Variants in UGT3A2 observed in about 807,000 individuals in gnomAD.
The protein encoded by UGT3A2 is UDP glycosyltransferase family 3 member A2.
Under a neutral mutation model 39.8 loss-of-function variants are expected in UGT3A2, and 32 were observed. That is an observed-to-expected ratio of 0.80 (90% CI 0.61 to 1.08). The LOEUF is 1.08. Among genes scored for constraint, UGT3A2 ranks in the 50% least tolerant of loss-of-function variants. The pLI, the probability that UGT3A2 is intolerant of heterozygous loss-of-function variation, is 0.00. For synonymous variants in UGT3A2, 241 were observed against 230.7 expected (o/e 1.04, Z -0.40); for missense variants, 611 against 637.1 (o/e 0.96, Z 0.44).
chr5:36,040,218 C>T (rs895362), intron 4 of UGT3A2, among the ~76,000 whole-genome samples: 107,876 of 152,006 alleles, frequency 0.71, 39,487 homozygotes, highest in Non-Finnish European at 0.81. Context: ...TTTTTGTACA[C>T]GCTTCATCCT....
In UGT3A2 at chr5:36,057,287, C is replaced by T. The variant is rs1359052750; in HGVS notation, c.197-5303G>A. Reference sequence around the variant, plus strand: ...ATCTGATCAGAAATAATAACCCAATCATGTGTTTCCTTGTTTGCAGACCTT... The same window carrying T: ...ATCTGATCAGAAATAATAACCCAATTATGTGTTTCCTTGTTTGCAGACCTT... On this transcript the variant is annotated intron_variant, in intron 2 of 6. Coordinates refer to ENST00000282507, the MANE Select transcript of UGT3A2 (RefSeq NM_174914.4). 4.6e-5 allele frequency among the ~76,000 whole-genome samples: 7 copies of T among 152,300 alleles called. No homozygotes were observed. The South Asian group carries it at 1.5e-3, about 32-fold the overall frequency.
Position 36,048,896 on chromosome 5 carries a change from A to G in UGT3A2, c.836T>C (p.Val279Ala). 6.2e-7 allele frequency: 1 copy of G among 1,613,516 alleles called. No homozygotes were observed. Among genetic ancestry groups the G allele is most frequent in the Non-Finnish European group, 8.5e-7 (1 of 1,179,550 alleles). The change falls in exon 4 of 7, where the codon GTA becomes GCA. Residue 279 changes from valine (V) to alanine (A), a missense_variant. By Grantham distance (64) the Val-to-Ala change is moderately conservative (BLOSUM62 0). Coordinates refer to ENST00000282507, the MANE Select transcript of UGT3A2 (RefSeq NM_174914.4). ...GGLMEKPIKP[V>A]PQDLENFIAK... ...TGCTGAGGGTTCACTTACTTGTGGT[A>G]CTGGTTTAATAGGTTTTTCCATCAA...
chr5:36,042,299 A>G (rs1742034987), intron 4 of UGT3A2, among the ~76,000 whole-genome samples: 1 of 152,138 alleles, frequency 6.6e-6, no homozygotes, highest in Non-Finnish European at 1.5e-5. Flanking sequence ...TTGCAATCAA[A>G]GTTAAGTTGT....
intron 2 of UGT3A2, among the ~76,000 whole-genome samples, chr5:36,053,567 G>A (rs999403474): frequency 3.3e-5 from 5 of 152,164 alleles, no homozygotes; most frequent in Non-Finnish European, 5.9e-5. Flanking sequence ...GCACTGTAAA[G>A]GCTTTAGCAT....
chr5:36,051,724 A>G (rs1490396471), intron 3 of UGT3A2, 146 bp downstream of exon 3: 9 of 626,360 alleles, frequency 1.4e-5, no homozygotes, highest in African/African-American at 1.1e-4. Flanking sequence ...CCATCTATCA[A>G]TCCATCCATC....
chr5:36,058,036 G>T (rs1401716340), intron 2 of UGT3A2, among the ~76,000 whole-genome samples: 1 of 152,166 alleles, frequency 6.6e-6, no homozygotes, highest in Non-Finnish European at 1.5e-5. Flanking sequence ...TAATGTAAAA[G>T]ATATTAAAAT....
chr5:36,046,791 C>T (rs1215858245), intron 4 of UGT3A2, among the ~76,000 whole-genome samples: 1 of 152,060 alleles, frequency 6.6e-6, no homozygotes, highest in Non-Finnish European at 1.5e-5. Flanking sequence ...ATGATCAATG[C>T]CTTGATGTGG....
Position 36,049,009 on chromosome 5 carries a change from T to C in UGT3A2, c.723A>G (p.Leu241=), listed in dbSNP as rs768863690. ...EGSRPVLSHL[L]LKAELWFINS... ...TAATGAACCACAACTCTGCTTTCAGTAGAAGATGAGACAAAACTGGCCTAG... is the reference window on the plus strand; with the variant it reads ...TAATGAACCACAACTCTGCTTTCAGCAGAAGATGAGACAAAACTGGCCTAG... Residue 241 remains leucine (L), a synonymous_variant, in exon 4 of 7, where the codon CTA becomes CTG. Transcript: ENST00000282507. 34 of 1,614,064 alleles carry C rather than the reference T, an allele frequency of 2.1e-5. No individual in the cohort carries two copies. The highest frequency in any genetic ancestry group is 1.1e-4 in the African/African-American group (8 of 74,922).
intron 2 of UGT3A2, among the ~76,000 whole-genome samples, chr5:36,056,538 A>G (rs1388701062): frequency 6.6e-6 from 1 of 152,224 alleles, no homozygotes; most frequent in Non-Finnish European, 1.5e-5. Context: ...GTTCTTTCTT[A>G]GCAGACTCAG....
At chr5:36,061,400 CCCA>C (rs934725664) in intron 2 of UGT3A2, among the ~76,000 whole-genome samples, 1 of 115,982 alleles carries the variant, frequency 8.6e-6, no homozygotes, top group Non-Finnish European at 1.7e-5. Flanking sequence ...CTCCCCCCAC[CCCA>C]CAACAGTCCC....
chr5:36,062,005 T>A (rs577181236), intron 2 of UGT3A2, among the ~76,000 whole-genome samples: 1 of 151,936 alleles, frequency 6.6e-6, no homozygotes, highest in East Asian at 1.9e-4. Context: ...ACGATGAGCA[T>A]TTTTTCATGT....
At chr5:36,043,636 G>C (rs760601177) in intron 4 of UGT3A2, among the ~76,000 whole-genome samples, 8 of 151,786 alleles carry the variant, frequency 5.3e-5, no homozygotes, top group Admixed American at 1.3e-4. Flanking sequence ...TAAGAAAAGA[G>C]AGAAAACCCA....
chr5:36,050,276 A>G (rs1742302480), intron 3 of UGT3A2, among the ~76,000 whole-genome samples: 2 of 152,172 alleles, frequency 1.3e-5, no homozygotes, highest in Admixed American at 6.5e-5. Context: ...TTCTTTTGCA[A>G]TGTATTCCCA....
At chr5:36,041,507 C>G (rs543654210) in intron 4 of UGT3A2, among the ~76,000 whole-genome samples, 29 of 152,234 alleles carry the variant, frequency 1.9e-4, no homozygotes, top group African/African-American at 7.0e-4. Context: ...TTGTGTCACC[C>G]CTCCCCCAAC....
Position 36,035,770 on chromosome 5 carries a change from T to C in UGT3A2, c.1500A>G (p.Leu500=), listed in dbSNP as rs1232017414. The change falls in exon 7 of 7, where the codon CTA becomes CTG. Residue 500 remains leucine (L), a synonymous_variant. Transcript: ENST00000282507. ...TGCCCAGCAGCTTCCCACAAAGCCA[T>C]AGAGTCCCCAGAGTGAGCCCCAGCA... ...VFLLGLTLGT[L]WLCGKLLGMA... 1 of 1,614,056 alleles carries C rather than the reference T, an allele frequency of 6.2e-7. No homozygotes were observed. The highest frequency in any genetic ancestry group is 1.1e-5 in the South Asian group (1 of 91,070).
At chr5:36,065,388 G>A (rs1742849586) in intron 1 of UGT3A2, among the ~76,000 whole-genome samples, 2 of 152,118 alleles carry the variant, frequency 1.3e-5, no homozygotes. Flanking sequence ...GTAAGAACAG[G>A]GAGCTGGGAA....
intron 1 of UGT3A2, among the ~76,000 whole-genome samples, chr5:36,065,064 C>T (rs768039758): frequency 6.6e-6 from 1 of 152,152 alleles, no homozygotes; most frequent in Non-Finnish European, 1.5e-5. Context: ...AAACATCCAT[C>T]CTAAGGAAAG....
At chr5:36,058,728 CT>C (rs1362068227) in intron 2 of UGT3A2, among the ~76,000 whole-genome samples, 1 of 152,198 alleles carries the variant, frequency 6.6e-6, no homozygotes, top group East Asian at 1.9e-4. Context: ...TCTTCTTCCC[CT>C]GGCCCCCTTC....
At chr5:36,042,108 T>C (rs184698421) in intron 4 of UGT3A2, among the ~76,000 whole-genome samples, 3 of 152,066 alleles carry the variant, frequency 2.0e-5, no homozygotes, top group African/African-American at 7.2e-5. Flanking sequence ...GAAAATGCAT[T>C]TGACATAACG....
Sources: allele counts gnomAD v4.1 joint callset (sites outside exome capture counted in the v4.1 genomes callset), GRCh38; gene constraint gnomAD v4.1.1; transcripts MANE v1.5; gene names NCBI Gene and HGNC (gene_info 2026-07-23, HGNC 2026-07-21).